The following UBE3C variants were observed in gnomAD, a reference collection of about 807,000 sequenced individuals.
The protein encoded by UBE3C is ubiquitin protein ligase E3C.
UBE3C carries 42 observed loss-of-function variants against 129.4 expected under a neutral mutation model. The observed-to-expected ratio is 0.32, with a 90% CI of 0.25 to 0.42. The LOEUF is 0.42. UBE3C is among the 10% of genes least tolerant of loss of function. The probability of loss-of-function intolerance (pLI) is 1.00; values close to 1 mark genes in which losing one functional copy is unlikely to be tolerated. For synonymous variants in UBE3C, 510 were observed against 492.4 expected (o/e 1.04, Z -0.47); for missense variants, 1,049 against 1,319.1 (o/e 0.80, Z 3.17).
At chr7:157,159,909 ACTGT>A (rs1361861691) in intron 1 of UBE3C, among the ~76,000 whole-genome samples, 1 of 152,162 alleles carries the variant, frequency 6.6e-6, no homozygotes, top group Non-Finnish European at 1.5e-5. Flanking sequence ...TAAAAATAAA[ACTGT>A]CTAATAGAGC....
At chr7:157,236,440 A>G (rs957261393) in intron 18 of UBE3C, among the ~76,000 whole-genome samples, 2 of 152,204 alleles carry the variant, frequency 1.3e-5, no homozygotes, top group Non-Finnish European at 2.9e-5. Context: ...GAAAATTTCA[A>G]TTAGATTGTA....
At chr7:157,243,070 C>T (rs1275151489) in intron 18 of UBE3C, among the ~76,000 whole-genome samples, 1 of 151,880 alleles carries the variant, frequency 6.6e-6, no homozygotes, top group African/African-American at 2.4e-5. Context: ...AAAAAGGAAG[C>T]GTCAACTCCA....
rs77816935 is a variant in UBE3C at position 157,204,293 on chromosome 7, A to T, written c.1418+2486A>T. Among the ~76,000 whole-genome samples, 353 of 151,446 alleles carry T rather than the reference A, an allele frequency of 2.3e-3. 2 individuals carry two copies. The highest frequency in any genetic ancestry group is 0.011 in the East Asian group (58 of 5,118). On this transcript the variant is annotated intron_variant, in intron 11 of 22. Coordinates refer to ENST00000348165, the MANE Select transcript of UBE3C (RefSeq NM_014671.3). Reference sequence around the variant, plus strand: ...TTGCATTGCTAGGACTTACAGCTTTAGTGGGCAGAAGTATCATCAGGGGAG... The same window carrying T: ...TTGCATTGCTAGGACTTACAGCTTTTGTGGGCAGAAGTATCATCAGGGGAG...
intron 1 of UBE3C, among the ~76,000 whole-genome samples, chr7:157,143,361 A>G (rs1444035275): frequency 6.6e-6 from 1 of 152,188 alleles, no homozygotes; most frequent in Non-Finnish European, 1.5e-5. Flanking sequence ...AAAAGAAACA[A>G]AAACAAGTTT....
chr7:157,256,951 C>T lies in UBE3C; in HGVS notation c.2988C>T (p.Phe996=), dbSNP rs911249664. The T allele has an allele frequency of 6.2e-7, 1 of 1,614,130 alleles. No individual in the cohort carries two copies. The highest frequency in any genetic ancestry group is 1.1e-5 in the South Asian group (1 of 91,078). ...YSADHPVIKV[F]WRVVEGFTDE... ...CAGACCATCCTGTTATTAAGGTCTT[C>T]TGGAGAGTTGTGGAAGGGTTCACTG... The change falls in exon 22 of 23, where the codon TTC becomes TTT. Residue 996 remains phenylalanine, a synonymous_variant. Transcript: ENST00000348165.
At position 157,231,691 on chromosome 7, in the gene UBE3C, C is replaced by T. The variant is rs1192829416; in HGVS notation, c.2481+364C>T. The T allele has an allele frequency of 1.6e-5, 4 of 256,612 alleles. No individual in the cohort carries two copies. The South Asian group carries it at 1.9e-4, about 12-fold the overall frequency. The allele number at this position is 256,612 out of a possible 1,614,324, so 15.9% of individuals were successfully genotyped here. ...CCCCTAGCTTTGTGATGCCCTGTGCCGCCTCCGGACTCTGCAGAGTCCCCA... is the reference window on the plus strand; with the variant it reads ...CCCCTAGCTTTGTGATGCCCTGTGCTGCCTCCGGACTCTGCAGAGTCCCCA... On this transcript the variant is annotated intron_variant, in intron 18 of 22. Coordinates refer to ENST00000348165, the MANE Select transcript of UBE3C (RefSeq NM_014671.3).
intron 10 of UBE3C, 152 bp from the exon 11 acceptor site, chr7:157,201,569 T>C (rs1369869521): frequency 2.0e-6 from 1 of 498,906 alleles, no homozygotes; most frequent in Non-Finnish European, 3.4e-6. Context: ...TGGCTGGTTG[T>C]CTGAGGCAGC....
intron 2 of UBE3C, chr7:157,164,398 G>T (rs1266842700): frequency 2.2e-6 from 1 of 456,518 alleles, no homozygotes; most frequent in African/African-American, 2.0e-5. Flanking sequence ...TCATGCAATC[G>T]CCTCCCTCAT....
chr7:157,186,933 G>T lies in UBE3C; in HGVS notation c.1243G>T (p.Asp415Tyr), dbSNP rs62001020. 1.3e-5 allele frequency: 21 copies of T among 1,614,074 alleles called. No homozygotes were observed. Among genetic ancestry groups the T allele is most frequent in the Non-Finnish European group, 1.7e-5 (20 of 1,179,990 alleles). The stretch of plus-strand genomic sequence containing the variant: ...CACCCTGCTCAACCTGGTGTGGAGG[G>T]ACTCTGCGAGCGAGGAGGTCTTCAC... ...TNTLLNLVWR[D>Y]SASEEVFTTM... The change falls in exon 10 of 23, where the codon GAC (aspartate) becomes TAC (tyrosine). Residue 415 changes from aspartate (D) to tyrosine (Y), a missense_variant. Coordinates refer to ENST00000348165, the MANE Select transcript of UBE3C (RefSeq NM_014671.3).
rs1563044475 is a variant in UBE3C at position 157,182,306 on chromosome 7, A to G, written c.969A>G (p.Leu323=). The G allele has an allele frequency of 1.2e-6, 2 of 1,613,536 alleles. No homozygotes were observed. The highest frequency in any genetic ancestry group is 1.7e-6 in the Non-Finnish European group (2 of 1,179,900). The change falls in exon 8 of 23, where the codon TTA becomes TTG. Residue 323 remains leucine, a synonymous_variant. Coordinates refer to ENST00000348165, the MANE Select transcript of UBE3C (RefSeq NM_014671.3). ...GGAPWLFYFV[L]TVGENYLGAL... ...CACCCTGGCTTTTCTATTTCGTTTT[A>G]ACTGTTGGCGAAAATTATTTGGGTA...
chr7:157,177,715 C>T (rs1310324362), intron 5 of UBE3C, among the ~76,000 whole-genome samples: 1 of 152,222 alleles, frequency 6.6e-6, no homozygotes, highest in Non-Finnish European at 1.5e-5. Context: ...GGTCCTCACC[C>T]CCTGTCTCTC....
chr7:157,198,122 T>A, intron 10 of UBE3C: 1 of 1,612,662 alleles, frequency 6.2e-7, no homozygotes, highest in Non-Finnish European at 8.5e-7. Flanking sequence ...GTCTCAATTC[T>A]CCATCATCTA....
intron 2 of UBE3C, among the ~76,000 whole-genome samples, chr7:157,168,367 G>A (rs186323742): frequency 3.3e-3 from 501 of 151,330 alleles, no homozygotes; most frequent in Non-Finnish European, 3.6e-3. Context: ...TACTATGCTG[G>A]TGAGATTGTA....
intron 22 of UBE3C, among the ~76,000 whole-genome samples, chr7:157,260,540 C>T (rs369004583): frequency 2.0e-5 from 3 of 152,256 alleles, no homozygotes; most frequent in East Asian, 3.9e-4. Context: ...AGGAGGACTG[C>T]AGGTGAGGCG....
chr7:157,246,755 C>T (rs1796486833), intron 18 of UBE3C, among the ~76,000 whole-genome samples: 1 of 152,220 alleles, frequency 6.6e-6, no homozygotes, highest in Non-Finnish European at 1.5e-5. Context: ...AGGCCCGTGA[C>T]TGCCTCTGTT....
intron 11 of UBE3C, among the ~76,000 whole-genome samples, chr7:157,202,290 A>C (rs771909712): frequency 1.3e-5 from 2 of 152,224 alleles, no homozygotes; most frequent in African/African-American, 2.4e-5. Flanking sequence ...AATAGGTAGG[A>C]ATTTCATACT....
chr7:157,168,804 G>A (rs906054512), intron 2 of UBE3C, among the ~76,000 whole-genome samples: 2 of 152,206 alleles, frequency 1.3e-5, no homozygotes, highest in Non-Finnish European at 2.9e-5. Flanking sequence ...CAGGAAACGG[G>A]GGGTGACTGC....
intron 22 of UBE3C, among the ~76,000 whole-genome samples, chr7:157,260,005 G>A (rs192063114): frequency 1.3e-5 from 2 of 152,210 alleles, no homozygotes; most frequent in African/African-American, 4.8e-5. Context: ...AATCATCGAC[G>A]CCGTTATGTT....
intron 1 of UBE3C, among the ~76,000 whole-genome samples, chr7:157,163,311 C>T (rs75478275): frequency 0.2 from 28,898 of 147,974 alleles, 2,906 homozygotes; most frequent in East Asian, 0.38. Context: ...GGCGTGAACC[C>T]GGGAGGCGGA....
Sources: allele counts gnomAD v4.1 joint callset (sites outside exome capture counted in the v4.1 genomes callset), GRCh38; gene constraint gnomAD v4.1.1; transcripts MANE v1.5; gene names NCBI Gene and HGNC (gene_info 2026-07-23, HGNC 2026-07-21).